METTL16: variants seen among roughly 807,000 people sequenced by gnomAD.
METTL16 encodes RNA N(6)-adenosine-methyltransferase METTL16.
METTL16 carries 19 observed loss-of-function variants against 57.9 expected under a neutral mutation model. The observed-to-expected ratio is 0.33, with a 90% CI of 0.23 to 0.48. The LOEUF (loss-of-function observed/expected upper bound fraction) is 0.48. METTL16 is among the 20% of genes least tolerant of loss of function. The pLI is 0.99. For missense variants in METTL16, 434 were observed against 691.5 expected (o/e 0.63, Z 4.18); for synonymous variants, 246 against 255.6 (o/e 0.96, Z 0.36).
chr17:2,502,338 G>A lies in METTL16; in HGVS notation c.1-7C>T, dbSNP rs1005673954. ...TTGATTTACTCAGAGCCATCTTAAG[G>A]AGAGAAAGAGAGAAAGAAAATCAGC... On this transcript the variant is annotated splice_polypyrimidine_tract_variant and splice_region_variant and intron_variant, in intron 1 of 9. Coordinates refer to ENST00000263092, the MANE Select transcript of METTL16 (RefSeq NM_024086.4). 1.2e-6 allele frequency: 2 copies of A among 1,607,948 alleles called. No homozygotes were observed. Among genetic ancestry groups the A allele is most frequent in the African/African-American group, 1.3e-5 (1 of 74,714 alleles).
chr17:2,428,688 G>C (rs966062955), intron 8 of METTL16, among the ~76,000 whole-genome samples: 2 of 144,118 alleles, frequency 1.4e-5, no homozygotes, highest in African/African-American at 5.1e-5. Flanking sequence ...CTTGAGCCCA[G>C]GAGTTCGAGA....
intron 6 of METTL16, among the ~76,000 whole-genome samples, chr17:2,453,700 A>G (rs763499798): frequency 3.3e-5 from 5 of 152,186 alleles, no homozygotes; most frequent in Non-Finnish European, 5.9e-5. Flanking sequence ...CCCTTTGCCA[A>G]TTGTTCCACG....
chr17:2,461,916 T>C (rs2067152590), intron 6 of METTL16, among the ~76,000 whole-genome samples: 2 of 152,046 alleles, frequency 1.3e-5, no homozygotes, highest in African/African-American at 2.4e-5. Flanking sequence ...CCTATAATCA[T>C]CTATACTACA....
chr17:2,454,952 G>A (rs1437628987), intron 6 of METTL16, among the ~76,000 whole-genome samples: 8 of 151,848 alleles, frequency 5.3e-5, no homozygotes, highest in African/African-American at 1.7e-4. Flanking sequence ...ATGGAGTCTC[G>A]CTCTGTTGCT....
intron 1 of METTL16, among the ~76,000 whole-genome samples, chr17:2,505,918 C>T (rs774083023): frequency 2.6e-5 from 4 of 152,104 alleles, no homozygotes; most frequent in Non-Finnish European, 4.4e-5. Context: ...GTTTAAGTCA[C>T]ATGCCCTTGC....
rs1050123487 is a variant in METTL16 at position 2,465,148 on chromosome 17, T to C, written c.586-798A>G. 2.6e-5 allele frequency among the ~76,000 whole-genome samples: 4 copies of C among 152,246 alleles called. No individual in the cohort carries two copies. In the South Asian group the frequency reaches 6.2e-4, roughly 24 times the overall value. On this transcript the variant is annotated intron_variant, in intron 5 of 9. Coordinates refer to ENST00000263092, the MANE Select transcript of METTL16 (RefSeq NM_024086.4). ...CCAAAGAAGATATGTAAATGGCCAA[T>C]AAGCACGTGAAAAGATGCTCAGCAT...
chr17:2,483,223 C>T (rs2067319300), intron 2 of METTL16, among the ~76,000 whole-genome samples: 2 of 152,204 alleles, frequency 1.3e-5, no homozygotes, highest in East Asian at 1.9e-4. Context: ...GTATCCCAGA[C>T]AACTACAAAT....
At chr17:2,490,490 G>A (rs894343500) in intron 2 of METTL16, among the ~76,000 whole-genome samples, 2 of 152,048 alleles carry the variant, frequency 1.3e-5, no homozygotes, top group Non-Finnish European at 2.9e-5. Flanking sequence ...ATGAGATTAC[G>A]GACTAATTTC....
At chr17:2,445,808 T>A (rs570745606) in intron 6 of METTL16, among the ~76,000 whole-genome samples, 19 of 151,238 alleles carry the variant, frequency 1.3e-4, no homozygotes, top group South Asian at 8.3e-4. Context: ...TTAATTAATT[T>A]AAAAAATAAT....
At chr17:2,482,781 G>C (rs1430341502) in intron 2 of METTL16, among the ~76,000 whole-genome samples, 2 of 152,098 alleles carry the variant, frequency 1.3e-5, no homozygotes, top group Non-Finnish European at 2.9e-5. Flanking sequence ...GAGTATGGTG[G>C]TTGTGTGAGC....
At chr17:2,449,468 A>C (rs1189405476) in intron 6 of METTL16, among the ~76,000 whole-genome samples, 1 of 152,156 alleles carries the variant, frequency 6.6e-6, no homozygotes, top group Non-Finnish European at 1.5e-5. Flanking sequence ...TCAGCCTCCC[A>C]ACGTGCTGGG....
intron 4 of METTL16, 34 bp from the exon 5 acceptor site, chr17:2,467,910 A>C: frequency 1.4e-6 from 2 of 1,429,460 alleles, no homozygotes; most frequent in African/African-American, 1.4e-5. Context: ...AACTAATATT[A>C]ATGTTGCAGT....
At chr17:2,486,428 T>C (rs2067341807) in intron 2 of METTL16, among the ~76,000 whole-genome samples, 1 of 152,092 alleles carries the variant, frequency 6.6e-6, no homozygotes, top group East Asian at 1.9e-4. Context: ...TGTACCACCA[T>C]GCCCAGCTAA....
chr17:2,463,107 T>C (rs1406179174), intron 6 of METTL16, among the ~76,000 whole-genome samples: 2 of 152,234 alleles, frequency 1.3e-5, no homozygotes, highest in South Asian at 4.1e-4. Flanking sequence ...AACTGGTTAG[T>C]GATCTCAGTT....
intron 4 of METTL16, among the ~76,000 whole-genome samples, chr17:2,469,556 T>A (rs918556815): frequency 1.3e-5 from 2 of 152,154 alleles, no homozygotes; most frequent in African/African-American, 4.8e-5. Context: ...CACAGTCTCA[T>A]TCTGTAGAAC....
At chr17:2,507,037 C>T (rs972550316) in intron 1 of METTL16, among the ~76,000 whole-genome samples, 11 of 149,290 alleles carry the variant, frequency 7.4e-5, no homozygotes, top group African/African-American at 1.7e-4. Flanking sequence ...AAGTGAGGAT[C>T]GTCTCCACCC....
chr17:2,505,962 T>C (rs993102667), intron 1 of METTL16, among the ~76,000 whole-genome samples: 18 of 150,718 alleles, frequency 1.2e-4, no homozygotes, highest in African/African-American at 3.9e-4. Flanking sequence ...CACAGGACCT[T>C]TATGCAGGCT....
chr17:2,466,574 T>C (rs1444472235), intron 5 of METTL16, among the ~76,000 whole-genome samples: 1 of 152,178 alleles, frequency 6.6e-6, no homozygotes, highest in Non-Finnish European at 1.5e-5. Context: ...GGTACAGGAC[T>C]CCTCGGTATC....
At chr17:2,464,426 G>T in intron 5 of METTL16, 76 bp from the exon 6 acceptor site, 1 of 1,384,200 alleles carries the variant, frequency 7.2e-7, no homozygotes, top group Non-Finnish European at 9.6e-7. Context: ...CTATCTCTAA[G>T]TTAGAATGTT....
Sources: allele counts gnomAD v4.1 joint callset (sites outside exome capture counted in the v4.1 genomes callset), GRCh38; gene constraint gnomAD v4.1.1; transcripts MANE v1.5; gene names NCBI Gene and HGNC (gene_info 2026-07-23, HGNC 2026-07-21).